AGAP1: variants seen among roughly 807,000 people sequenced by gnomAD.
AGAP1 encodes the protein arf-GAP with GTPase, ANK repeat and PH domain-containing protein 1.
AGAP1 carries 29 observed loss-of-function variants against 105.3 expected under a neutral mutation model. That is an observed-to-expected ratio of 0.28 (90% CI 0.21 to 0.38). AGAP1 has a LOEUF of 0.38. AGAP1 is among the 10% of genes least tolerant of loss of function. AGAP1 has a pLI of 1.00. For synonymous variants in AGAP1, 509 were observed against 485.9 expected (o/e 1.05, Z -0.63); for missense variants, 998 against 1,165.1 (o/e 0.86, Z 2.09).
At chr2:236,065,491 T>C (rs1007462857) in intron 16 of AGAP1, among the ~76,000 whole-genome samples, 3 of 152,226 alleles carry the variant, frequency 2.0e-5, no homozygotes, top group Non-Finnish European at 4.4e-5. Context: ...TTTTCTGACA[T>C]GTTGCTAACA....
At position 235,611,978 on chromosome 2, in the gene AGAP1, C is replaced by T. The variant is rs182207495; in HGVS notation, c.164-97201C>T. On this transcript the variant is annotated intron_variant, in intron 1 of 17. Transcript: ENST00000304032. This position sits in a 1 kb window ranked among gnomAD's most constrained non-coding sequence, Gnocchi z 5.0. ...GGTGGCGGTCACAAACCCGGCCCAG[C>T]GGCCTCCCTGCTAGGCAGTCCTCCA... is the stretch of plus-strand genomic sequence containing the variant. Among the ~76,000 whole-genome samples the T allele has an allele frequency of 7.2e-5, 11 of 152,260 alleles. No homozygotes were observed. The East Asian group carries it at 1.2e-3, about 16-fold the overall frequency.
At chr2:236,063,243 C>T (rs1399592851) in intron 16 of AGAP1, among the ~76,000 whole-genome samples, 2 of 152,228 alleles carry the variant, frequency 1.3e-5, no homozygotes, top group African/African-American at 4.8e-5. Flanking sequence ...GTACCCGCCA[C>T]CATTAATGGC....
chr2:236,057,559 C>T (rs1050554105), intron 16 of AGAP1, among the ~76,000 whole-genome samples: 2 of 151,764 alleles, frequency 1.3e-5, no homozygotes, highest in Admixed American at 6.6e-5. Context: ...GAGCCCCCCC[C>T]TCAACCCCCG....
intron 6 of AGAP1, among the ~76,000 whole-genome samples, chr2:235,790,103 A>T (rs912436317): frequency 6.6e-6 from 1 of 152,148 alleles, no homozygotes; most frequent in African/African-American, 2.4e-5. Flanking sequence ...TTTTAAAGGT[A>T]GTGGCAAAAA....
At position 235,979,389 on chromosome 2, in the gene AGAP1, G is replaced by C. The variant is rs2054994343; in HGVS notation, c.1645+10766G>C. On this transcript the variant is annotated intron_variant, in intron 13 of 17. Transcript: ENST00000304032. The surrounding 1 kb of genome is among the most constrained non-coding windows in gnomAD (Gnocchi z 4.5). ...TGATTTAAGTGTTAATCAAATGCCT[G>C]TCTCGCCTGGCTGCGGGGTCCGATC... 6.6e-6 allele frequency among the ~76,000 whole-genome samples: 1 copy of C among 152,192 alleles called. No individual in the cohort carries two copies. Among genetic ancestry groups the C allele is most frequent in the South Asian group, 2.1e-4 (1 of 4,834 alleles).
rs1186343709 is a variant in AGAP1 at position 235,754,425 on chromosome 2, A to AT, written c.673+3938dup. Reference sequence around the variant, plus strand: ...TTTCTACATAATGTTTGGCTTGTAAATAAAAAAAAAAAAAAAATCCAGCTG... The same window carrying AT: ...TTTCTACATAATGTTTGGCTTGTAAATTAAAAAAAAAAAAAAAATCCAGCTG... On this transcript the variant is annotated intron_variant, in intron 6 of 17. Transcript: ENST00000304032. This position sits in a 1 kb window ranked among gnomAD's most constrained non-coding sequence, Gnocchi z 4.6. Among the ~76,000 whole-genome samples, 1 of 141,660 alleles carries AT rather than the reference A, an allele frequency of 7.1e-6. No homozygotes were observed. The highest frequency in any genetic ancestry group is 1.6e-5 in the Non-Finnish European group (1 of 63,964). The allele number at this position is 141,660 out of a possible 152,430, so 92.9% of individuals were successfully genotyped here.
chr2:235,859,393 T>TCC lies in AGAP1; in HGVS notation c.1051-23939_1051-23938dup, dbSNP rs59735813. ...AATCTGCAACTCTCCCCCCACAACCTCCCCCCCCCCCCCCGCCTTTTGTTC... is the reference window on the plus strand; with the variant it reads ...AATCTGCAACTCTCCCCCCACAACCTCCCCCCCCCCCCCCCCGCCTTTTGTTC... On this transcript the variant is annotated intron_variant, in intron 9 of 17. Transcript: ENST00000304032. 1.4e-3 allele frequency among the ~76,000 whole-genome samples: 33 copies of TCC among 24,228 alleles called. No individual in the cohort carries two copies. The South Asian group carries it at 0.017, about 13-fold the overall frequency. The allele number at this position is 24,228 out of a possible 152,430, so 15.9% of individuals were successfully genotyped here. A position where few individuals can be genotyped will look rare whatever the true frequency, so the allele number is the denominator to read the frequency against.
At chr2:235,511,395 G>A (rs1412812524) in intron 1 of AGAP1, among the ~76,000 whole-genome samples, 1 of 152,116 alleles carries the variant, frequency 6.6e-6, no homozygotes, top group South Asian at 2.1e-4. Context: ...CCTCAGGGAG[G>A]GGGGCAGCCA....
rs1399058777 is a variant in AGAP1, at chr2:235,970,904, C to G, written c.1645+2281C>G. ...GTGGATACCCAGGCTGAGACACGGG[C>G]TCTGTCCAAGCAGCAAATGGGGGCC... On this transcript the variant is annotated intron_variant, in intron 13 of 17. Transcript: ENST00000304032. The surrounding 1 kb of genome is among the most constrained non-coding windows in gnomAD (Gnocchi z 5.4). Among the ~76,000 whole-genome samples the G allele has an allele frequency of 6.6e-6, 1 of 152,200 alleles. No individual in the cohort carries two copies. The highest frequency in any genetic ancestry group is 1.5e-5 in the Non-Finnish European group (1 of 68,044).
At chr2:235,795,122 A>G (rs1284571421) in intron 6 of AGAP1, among the ~76,000 whole-genome samples, 1 of 152,124 alleles carries the variant, frequency 6.6e-6, no homozygotes, top group Non-Finnish European at 1.5e-5. Context: ...TGGGGTGGGA[A>G]TGGAGGGGGG....
rs1273033757 is a variant in AGAP1 at position 235,976,799 on chromosome 2, T to A, written c.1645+8176T>A. ...AGGTTCCCCAAAGGGGAGTAGACACTCACACACGTTGTATAGACAACGAAA... is the reference window on the plus strand; with the variant it reads ...AGGTTCCCCAAAGGGGAGTAGACACACACACACGTTGTATAGACAACGAAA... On this transcript the variant is annotated intron_variant, in intron 13 of 17. Coordinates refer to ENST00000304032, the MANE Select transcript of AGAP1 (RefSeq NM_001037131.3). This position sits in a 1 kb window ranked among gnomAD's most constrained non-coding sequence, Gnocchi z 4.5. Among the ~76,000 whole-genome samples, 1 of 152,042 alleles carries A rather than the reference T, an allele frequency of 6.6e-6. No homozygotes were observed. The highest frequency in any genetic ancestry group is 1.5e-5 in the Non-Finnish European group (1 of 68,008).
At chr2:235,756,342 TA>T (rs890337878) in intron 6 of AGAP1, among the ~76,000 whole-genome samples, 29 of 152,228 alleles carry the variant, frequency 1.9e-4, no homozygotes, top group African/African-American at 7.0e-4. Context: ...CCCTAACTTT[TA>T]TTGGGCATAG....
intron 1 of AGAP1, among the ~76,000 whole-genome samples, chr2:235,597,330 G>A (rs987045271): frequency 2.6e-5 from 4 of 152,218 alleles, no homozygotes; most frequent in African/African-American, 9.6e-5. Flanking sequence ...ACAGCTCCCA[G>A]AGATGAGGAC....
intron 1 of AGAP1, among the ~76,000 whole-genome samples, chr2:235,652,657 C>T (rs947956996): frequency 2.0e-5 from 3 of 152,012 alleles, no homozygotes; most frequent in Non-Finnish European, 4.4e-5. Context: ...TTTGGGAGGC[C>T]CAGGCGGGTG....
In AGAP1 at chr2:235,589,194, G is replaced by GTTTTTTT. The variant is rs928149334; in HGVS notation, c.163+94367_163+94373dup. On this transcript the variant is annotated intron_variant, in intron 1 of 17. Coordinates refer to ENST00000304032, the MANE Select transcript of AGAP1 (RefSeq NM_001037131.3). ...CTACCAGTTAATAGCTTATTGTTTT[G>GTTTTTTT]TTTTTTTTTTTTTTTTTTTTTTTTT... 5.7e-3 allele frequency among the ~76,000 whole-genome samples: 342 copies of GTTTTTTT among 59,538 alleles called. 10 individuals are homozygous for GTTTTTTT. Among genetic ancestry groups the GTTTTTTT allele is most frequent in the East Asian group, 0.018 (26 of 1,466 alleles). 39.1% of individuals were successfully genotyped at this position (59,538 alleles called of 152,430 possible).
In AGAP1 at chr2:236,014,303, A is replaced by G. The variant is rs1410115429; in HGVS notation, c.1646-22258A>G. 6.6e-6 allele frequency among the ~76,000 whole-genome samples: 1 copy of G among 152,178 alleles called. No homozygotes were observed. The highest frequency in any genetic ancestry group is 2.4e-5 in the African/African-American group (1 of 41,446). The stretch of plus-strand genomic sequence containing the variant: ...AATCAAAATCTGTCTCGGGAAGACA[A>G]CTTCACTTTTAACAGCTCTTGGTTT... On this transcript the variant is annotated intron_variant, in intron 13 of 17. Transcript: ENST00000304032. This position sits in a 1 kb window ranked among gnomAD's most constrained non-coding sequence, Gnocchi z 6.3.
intron 9 of AGAP1, among the ~76,000 whole-genome samples, chr2:235,869,182 A>G (rs1225187705): frequency 6.6e-6 from 1 of 152,124 alleles, no homozygotes; most frequent in African/African-American, 2.4e-5. Context: ...GCGGGGTAAC[A>G]AGTATAAACC....
At chr2:235,820,729 C>T (rs937684580) in intron 9 of AGAP1, among the ~76,000 whole-genome samples, 6 of 152,140 alleles carry the variant, frequency 3.9e-5, no homozygotes, top group Middle Eastern at 3.4e-3. Flanking sequence ...AGTGGAGAGA[C>T]GAGTAATGTG....
chr2:235,763,010 C>G (rs569341798), intron 6 of AGAP1, among the ~76,000 whole-genome samples: 1 of 151,160 alleles, frequency 6.6e-6, no homozygotes. Flanking sequence ...CACTGCCACC[C>G]GGGGGCAATG....
Sources: allele counts gnomAD v4.1 joint callset (sites outside exome capture counted in the v4.1 genomes callset), GRCh38; gene constraint gnomAD v4.1.1; non-coding constraint Gnocchi (gnomAD v3.1); transcripts MANE v1.5; gene names NCBI Gene and HGNC (gene_info 2026-07-23, HGNC 2026-07-21).